Variants in DSCAM observed in about 807,000 individuals in gnomAD.
DSCAM encodes DS cell adhesion molecule.
A neutral mutation model predicts 217.7 loss-of-function variants in DSCAM; 47 were observed. The observed-to-expected ratio is 0.22, with a 90% CI of 0.17 to 0.28. The LOEUF is 0.28. Ranked by LOEUF, DSCAM falls within the 10% of genes least tolerant of loss-of-function variation. DSCAM has a pLI of 1.00. For synonymous variants in DSCAM, 1,056 were observed against 1,015.3 expected (o/e 1.04, Z -0.76); for missense variants, 2,080 against 2,618.3 (o/e 0.79, Z 4.49).
Position 40,620,217 on chromosome 21 carries a change from GAA to G in DSCAM, c.508+72591_508+72592del, listed in dbSNP as rs2089477967. Among the ~76,000 whole-genome samples the G allele has an allele frequency of 2.5e-5, 2 of 81,264 alleles. 1 individual carries two copies. Among genetic ancestry groups the G allele is most frequent in the Non-Finnish European group, 5.0e-5 (2 of 40,082 alleles). 53.3% of individuals were successfully genotyped at this position (81,264 alleles called of 152,430 possible). On this transcript the variant is annotated intron_variant, in intron 3 of 32. Coordinates refer to ENST00000400454, the MANE Select transcript of DSCAM (RefSeq NM_001389.5). ...AAAGAAAGAAAGAGAGAAAGAGAGAGAAAAAAGAAAAAGAAAGAAAGAGAGAG... is the reference window on the plus strand; with the variant it reads ...AAAGAAAGAAAGAGAGAAAGAGAGAGAAAAGAAAAAGAAAGAAAGAGAGAG...
chr21:40,370,053 C>T lies in DSCAM; in HGVS notation c.509-808G>A, dbSNP rs553578463. Among the ~76,000 whole-genome samples, 3 of 152,246 alleles carry T rather than the reference C, an allele frequency of 2.0e-5. 1 individual carries two copies. The highest frequency in any genetic ancestry group is 7.2e-5 in the African/African-American group (3 of 41,550). ...GCTTCAGTTGAACAGAAAGGGCCAA[C>T]ATTGAGATCAAATATCAGTGTTAGT... is the stretch of plus-strand genomic sequence containing the variant. On this transcript the variant is annotated intron_variant, in intron 3 of 32. Transcript: ENST00000400454.
chr21:40,669,989 T>TA (rs914544790), intron 3 of DSCAM, among the ~76,000 whole-genome samples: 4 of 152,106 alleles, frequency 2.6e-5, no homozygotes, highest in African/African-American at 7.2e-5. Context: ...ACACATCCTT[T>TA]AAAAAAATAC....
intron 32 of DSCAM, among the ~76,000 whole-genome samples, chr21:40,026,677 C>T (rs199832135): frequency 0.01 from 1,405 of 138,376 alleles, 73 homozygotes; most frequent in African/African-American, 0.03. Context: ...CTGTTTTATC[C>T]GAGACTAGGA....
chr21:40,448,824 T>C (rs1365978513), intron 3 of DSCAM, among the ~76,000 whole-genome samples: 3 of 152,120 alleles, frequency 2.0e-5, no homozygotes, highest in Non-Finnish European at 4.4e-5. Flanking sequence ...CTAAATCTTG[T>C]TCATATTTAT....
intron 1 of DSCAM, among the ~76,000 whole-genome samples, chr21:40,819,721 G>A (rs1433048448): frequency 6.6e-6 from 1 of 152,172 alleles, no homozygotes; most frequent in Non-Finnish European, 1.5e-5. Flanking sequence ...TGTTTGCCAT[G>A]ATGGAAACTG....
chr21:40,752,207 G>A (rs1569018837), intron 1 of DSCAM, among the ~76,000 whole-genome samples: 2 of 152,328 alleles, frequency 1.3e-5, no homozygotes, highest in East Asian at 1.9e-4. Context: ...AGAAAGGAGA[G>A]AAGGCTCCCT....
rs146637018 is a variant in DSCAM, at chr21:40,389,756, G to A, written c.509-20511C>T. 2.5e-4 allele frequency among the ~76,000 whole-genome samples: 38 copies of A among 152,294 alleles called. 1 individual carries two copies. In the East Asian group the frequency reaches 6.6e-3, roughly 26 times the overall value. On this transcript the variant is annotated intron_variant, in intron 3 of 32. Coordinates refer to ENST00000400454, the MANE Select transcript of DSCAM (RefSeq NM_001389.5). ...CGAGAAATCTTCATGTACACTGGCC[G>A]ACTTGTTTGCCTGCATTGCTTCCTA...
intron 8 of DSCAM, among the ~76,000 whole-genome samples, chr21:40,324,103 C>CA (rs71330393): frequency 0.023 from 649 of 27,980 alleles, 86 homozygotes; most frequent in Non-Finnish European, 0.028. Context: ...AACTCTGTCT[C>CA]AAAAAAAAAA....
chr21:40,119,411 T>G (rs561075758), intron 20 of DSCAM, among the ~76,000 whole-genome samples: 4 of 152,296 alleles, frequency 2.6e-5, no homozygotes, highest in African/African-American at 9.6e-5. Context: ...GCACATTGAA[T>G]GCGAAGTACT....
intron 3 of DSCAM, among the ~76,000 whole-genome samples, chr21:40,597,067 G>A (rs2077026670): frequency 6.6e-6 from 1 of 152,106 alleles, no homozygotes; most frequent in Non-Finnish European, 1.5e-5. Flanking sequence ...ATTTTTGCTA[G>A]TTAATTTTAC....
intron 11 of DSCAM, among the ~76,000 whole-genome samples, chr21:40,241,835 C>T (rs1423300347): frequency 2.0e-5 from 3 of 152,222 alleles, no homozygotes; most frequent in Non-Finnish European, 2.9e-5. Context: ...AATGAGATCA[C>T]GTCTTTTGTA....
chr21:40,390,758 C>CA (rs769640693), intron 3 of DSCAM, among the ~76,000 whole-genome samples: 9 of 152,228 alleles, frequency 5.9e-5, no homozygotes, highest in East Asian at 5.8e-4. Flanking sequence ...CCTCTTCTTA[C>CA]AAAAACACCA....
At chr21:40,794,083 T>C (rs1569039586) in intron 1 of DSCAM, among the ~76,000 whole-genome samples, 1 of 152,174 alleles carries the variant, frequency 6.6e-6, no homozygotes, top group Non-Finnish European at 1.5e-5. Flanking sequence ...CTGCCTTCTT[T>C]TTCTAGAGAT....
chr21:40,251,105 C>T (rs543258592), intron 11 of DSCAM, among the ~76,000 whole-genome samples: 1 of 152,316 alleles, frequency 6.6e-6, no homozygotes, highest in East Asian at 1.9e-4. Flanking sequence ...GTGGAGGGAG[C>T]TATGCTGCTG....
chr21:40,121,681 C>T (rs1208126499), intron 20 of DSCAM, among the ~76,000 whole-genome samples: 51 of 73,700 alleles, frequency 6.9e-4, no homozygotes, highest in African/African-American at 8.6e-4. Flanking sequence ...TCATTACTGT[C>T]TTTTTTTTTT....
At chr21:40,334,327 T>C (rs2074406842) in intron 8 of DSCAM, among the ~76,000 whole-genome samples, 1 of 152,192 alleles carries the variant, frequency 6.6e-6, no homozygotes, top group South Asian at 2.1e-4. Flanking sequence ...ATCGCCTTCC[T>C]CAAACGGCTC....
At chr21:40,523,934 A>G (rs1447638215) in intron 3 of DSCAM, among the ~76,000 whole-genome samples, 1 of 152,122 alleles carries the variant, frequency 6.6e-6, no homozygotes, top group Non-Finnish European at 1.5e-5. Flanking sequence ...GAGGCACCGA[A>G]AACACGAGCC....
At chr21:40,180,816 A>G (rs1371805397) in intron 14 of DSCAM, among the ~76,000 whole-genome samples, 2 of 151,758 alleles carry the variant, frequency 1.3e-5, no homozygotes, top group African/African-American at 2.4e-5. Flanking sequence ...AGTGTCCATG[A>G]CTGCAGTCCC....
At chr21:40,405,555 A>C (rs1416799686) in intron 3 of DSCAM, among the ~76,000 whole-genome samples, 1 of 152,242 alleles carries the variant, frequency 6.6e-6, no homozygotes, top group Non-Finnish European at 1.5e-5. Flanking sequence ...AACCAACAGC[A>C]TGAAGAGACA....
Sources: allele counts gnomAD v4.1 joint callset (sites outside exome capture counted in the v4.1 genomes callset), GRCh38; gene constraint gnomAD v4.1.1; transcripts MANE v1.5; gene names NCBI Gene and HGNC (gene_info 2026-07-23, HGNC 2026-07-21).